The following RTN1 variants were observed in gnomAD, a reference collection of about 807,000 sequenced individuals.
The protein encoded by RTN1 is reticulon-1.
In RTN1, 25 loss-of-function variants were observed where a neutral mutation model predicts 65.5. The ratio of observed to expected loss-of-function variants is 0.38; its 90% CI spans 0.28 to 0.53. The LOEUF is 0.53. RTN1 is among the 20% of genes least tolerant of loss of function. RTN1 has a pLI of 0.79. For missense variants in RTN1, 983 were observed against 1,025.4 expected, an observed-to-expected ratio of 0.96 and a Z score of 0.57; for synonymous variants, 471 against 447.6, an observed-to-expected ratio of 1.05 and a Z score of -0.66.
intron 3 of RTN1, among the ~76,000 whole-genome samples, chr14:59,643,797 CAG>C (rs958418588): frequency 6.6e-6 from 1 of 152,008 alleles, no homozygotes; most frequent in African/African-American, 2.4e-5. Flanking sequence ...GTTAAAATGT[CAG>C]AATCTAAAGT....
chr14:59,714,882 T>A (rs1437223435), intron 3 of RTN1, among the ~76,000 whole-genome samples: 1 of 152,224 alleles, frequency 6.6e-6, no homozygotes. Flanking sequence ...CATTTCTTCC[T>A]GAGCTCTACC....
intron 2 of RTN1, 108 bp downstream of exon 2, chr14:59,745,600 G>C (rs1170153478): frequency 1.1e-6 from 1 of 946,896 alleles, no homozygotes; most frequent in Non-Finnish European, 1.6e-6. Context: ...AAGGGGTCCA[G>C]ATAGTAAAGT....
chr14:59,858,999 T>C (rs563923372), intron 1 of RTN1, among the ~76,000 whole-genome samples: 1 of 152,330 alleles, frequency 6.6e-6, no homozygotes, highest in South Asian at 2.1e-4. Flanking sequence ...TGTCACATTA[T>C]GGACTTTTCT....
intron 2 of RTN1, among the ~76,000 whole-genome samples, chr14:59,737,682 C>A (rs754419739): frequency 3.9e-5 from 6 of 152,252 alleles, no homozygotes; most frequent in East Asian, 1.9e-4. Context: ...CATTTGGAAC[C>A]AAAAGAGAGC....
At chr14:59,801,273 A>AT (rs906469674) in intron 1 of RTN1, among the ~76,000 whole-genome samples, 1 of 152,156 alleles carries the variant, frequency 6.6e-6, no homozygotes, top group Non-Finnish European at 1.5e-5. Context: ...AGGTAAAACA[A>AT]TTTTTTTAAA....
intron 3 of RTN1, among the ~76,000 whole-genome samples, chr14:59,642,297 A>G (rs1594648840): frequency 6.6e-6 from 1 of 152,238 alleles, no homozygotes; most frequent in East Asian, 1.9e-4. Context: ...CTTGATTATG[A>G]CAGTTTTATT....
chr14:59,678,693 TCAACCTC>T (rs1260764002), intron 3 of RTN1, among the ~76,000 whole-genome samples: 1 of 152,154 alleles, frequency 6.6e-6, no homozygotes, highest in Non-Finnish European at 1.5e-5. Context: ...TGCCCCTTCC[TCAACCTC>T]CACTGTCCCC....
At chr14:59,722,797 T>C (rs1247949833) in intron 3 of RTN1, among the ~76,000 whole-genome samples, 1 of 135,176 alleles carries the variant, frequency 7.4e-6, no homozygotes, top group Non-Finnish European at 1.6e-5. Context: ...AACTTTTAAC[T>C]TTTTTTTTTT....
intron 1 of RTN1, among the ~76,000 whole-genome samples, chr14:59,773,986 G>A (rs889773118): frequency 1.3e-5 from 2 of 152,090 alleles, no homozygotes; most frequent in Non-Finnish European, 2.9e-5. Context: ...TCTCTTTCAT[G>A]TGATTAGAGT....
At chr14:59,767,574 CTG>C (rs1885873115) in intron 1 of RTN1, among the ~76,000 whole-genome samples, 1 of 152,098 alleles carries the variant, frequency 6.6e-6, no homozygotes, top group Admixed American at 6.6e-5. Flanking sequence ...AATAAAACGA[CTG>C]AGAATTACAA....
In RTN1 at chr14:59,727,253, C is replaced by T. The variant is rs749323546; in HGVS notation, c.1431G>A (p.Ser477=). 3.5e-5 allele frequency: 53 copies of T among 1,527,752 alleles called. No individual in the cohort carries two copies. In the South Asian group the frequency reaches 5.5e-4, roughly 16 times the overall value. The allele number at this position is 1,527,752 out of a possible 1,614,324, so 94.6% of individuals were successfully genotyped here. A position where few individuals can be genotyped will look rare whatever the true frequency, so the allele number is the denominator to read the frequency against. Residue 477 remains serine (S), a synonymous_variant, in exon 3 of 9, where the codon TCG becomes TCA. Coordinates refer to ENST00000267484, the MANE Select transcript of RTN1 (RefSeq NM_021136.3). The surrounding 1 kb of genome is among the most constrained non-coding windows in gnomAD (Gnocchi z 4.2). ...IIESCDASSA[S]EESPKREQDS... ...CCTGCTCCCGCTTGGGGCTCTCCTC[C>T]GAGGCCGAGGAGGCGTCGCACGACT... is the stretch of plus-strand genomic sequence containing the variant.
chr14:59,804,657 G>A (rs979852062), intron 1 of RTN1, among the ~76,000 whole-genome samples: 1 of 152,036 alleles, frequency 6.6e-6, no homozygotes, highest in Non-Finnish European at 1.5e-5. Context: ...TGGTTGGTAC[G>A]GGTGACAGTC....
intron 2 of RTN1, among the ~76,000 whole-genome samples, chr14:59,738,511 G>T (rs1885046913): frequency 6.6e-6 from 1 of 152,186 alleles, no homozygotes; most frequent in African/African-American, 2.4e-5. Flanking sequence ...ACAAATGCTG[G>T]CAAGGTTGTG....
chr14:59,653,993 G>C (rs1397076746), intron 3 of RTN1, among the ~76,000 whole-genome samples: 1 of 152,026 alleles, frequency 6.6e-6, no homozygotes, highest in African/African-American at 2.4e-5. Context: ...TACAATCTCG[G>C]CTCACTGCAA....
At chr14:59,748,642 C>G (rs948391096) in intron 1 of RTN1, among the ~76,000 whole-genome samples, 4 of 152,048 alleles carry the variant, frequency 2.6e-5, no homozygotes, top group Non-Finnish European at 4.4e-5. Context: ...TCGATTGTCT[C>G]CTCTTGCTAG....
At chr14:59,699,248 C>T (rs906863427) in intron 3 of RTN1, among the ~76,000 whole-genome samples, 1 of 151,560 alleles carries the variant, frequency 6.6e-6, no homozygotes. Flanking sequence ...TCAAATACCA[C>T]CTGTTCCCCA....
chr14:59,822,915 G>A (rs971195297), intron 1 of RTN1, among the ~76,000 whole-genome samples: 3 of 151,474 alleles, frequency 2.0e-5, no homozygotes, highest in Non-Finnish European at 4.4e-5. Flanking sequence ...ATTGCTTTAC[G>A]GCCAAGGGTG....
chr14:59,858,930 T>A (rs1452772178), intron 1 of RTN1, among the ~76,000 whole-genome samples: 1 of 152,234 alleles, frequency 6.6e-6, no homozygotes, highest in Non-Finnish European at 1.5e-5. Flanking sequence ...TAACATATTT[T>A]ATATTTATGT....
At chr14:59,647,496 C>T (rs1451553613) in intron 3 of RTN1, among the ~76,000 whole-genome samples, 1 of 152,194 alleles carries the variant, frequency 6.6e-6, no homozygotes, top group Non-Finnish European at 1.5e-5. Context: ...ACAGACTATA[C>T]ATTCTTCTCA....
Sources: allele counts gnomAD v4.1 joint callset (sites outside exome capture counted in the v4.1 genomes callset), GRCh38; gene constraint gnomAD v4.1.1; non-coding constraint Gnocchi (gnomAD v3.1); transcripts MANE v1.5; gene names NCBI Gene and HGNC (gene_info 2026-07-23, HGNC 2026-07-21).